STXBP5L: variants seen among roughly 807,000 people sequenced by gnomAD.
STXBP5L encodes the protein syntaxin-binding protein 5-like.
In STXBP5L, 65 loss-of-function variants were observed where a neutral mutation model predicts 144.5. The ratio of observed to expected loss-of-function variants is 0.45; its 90% confidence interval spans 0.37 to 0.55. STXBP5L has a LOEUF of 0.55. Ranked by LOEUF, STXBP5L falls within the 20% of genes least tolerant of loss-of-function variation. The pLI is 0.00. For synonymous variants in STXBP5L, 505 were observed against 469.6 expected (o/e 1.08, Z -0.97); for missense variants, 1,298 against 1,405.5 (o/e 0.92, Z 1.22).
At chr3:120,978,240 G>C (rs145968941) in intron 3 of STXBP5L, among the ~76,000 whole-genome samples, 2 of 152,028 alleles carry the variant, frequency 1.3e-5, no homozygotes, top group South Asian at 2.1e-4. Context: ...GGCTTTGTTC[G>C]TTTCTTTTTA....
At chr3:121,001,253 TC>T (rs1943752074) in intron 3 of STXBP5L, among the ~76,000 whole-genome samples, 2 of 152,198 alleles carry the variant, frequency 1.3e-5, no homozygotes. Flanking sequence ...GGCTGGGTCT[TC>T]CAGTAAAAGA....
chr3:120,976,881 T>C (rs9845806), intron 3 of STXBP5L, among the ~76,000 whole-genome samples: 121,048 of 151,598 alleles, frequency 0.8, 48,809 homozygotes, highest in Admixed American at 0.84. Flanking sequence ...ACCCTGAGTT[T>C]TAGTTTGATT....
At chr3:121,369,500 AG>A (rs1348481257) in intron 20 of STXBP5L, among the ~76,000 whole-genome samples, 1 of 151,808 alleles carries the variant, frequency 6.6e-6, no homozygotes, top group African/African-American at 2.4e-5. Context: ...CATTTCTTAA[AG>A]GTCTCTTTCT....
intron 2 of STXBP5L, among the ~76,000 whole-genome samples, chr3:120,928,550 C>T (rs1471624845): frequency 2.0e-5 from 3 of 152,052 alleles, no homozygotes; most frequent in Non-Finnish European, 4.4e-5. Flanking sequence ...TATGAGCCAC[C>T]GCACCTGGCC....
chr3:121,238,139 T>G (rs979198870), intron 12 of STXBP5L, among the ~76,000 whole-genome samples: 1 of 152,234 alleles, frequency 6.6e-6, no homozygotes, highest in South Asian at 2.1e-4. Flanking sequence ...TCTGTCTTAG[T>G]CTGTTTTGTG....
At chr3:121,328,479 T>C (rs1040905664) in intron 20 of STXBP5L, among the ~76,000 whole-genome samples, 1 of 152,218 alleles carries the variant, frequency 6.6e-6, no homozygotes, top group Non-Finnish European at 1.5e-5. Flanking sequence ...CTGGGCCTGG[T>C]GGCTCACGCT....
intron 18 of STXBP5L, among the ~76,000 whole-genome samples, chr3:121,259,461 A>C (rs1040450816): frequency 4.6e-5 from 7 of 151,726 alleles, no homozygotes; most frequent in South Asian, 4.2e-4. Flanking sequence ...TTTATATTTC[A>C]TTTTGGATAC....
rs369384783 is a variant in STXBP5L at position 121,190,643 on chromosome 3, C to G, written c.878-15280C>G. 4.0e-3 allele frequency among the ~76,000 whole-genome samples: 604 copies of G among 151,554 alleles called. 1 individual carries two copies. Among genetic ancestry groups the G allele is most frequent in the African/African-American group, 0.013 (556 of 41,280 alleles). On this transcript the variant is annotated intron_variant, in intron 9 of 26. Coordinates refer to ENST00000471454, the MANE Select transcript of STXBP5L (RefSeq NM_001308330.2). ...CAGACGGGGCAGCCAGGCAGAGGCA[C>G]CCCCCACCTCCCAGATGGGGTGGCT...
At chr3:121,256,738 G>T (rs1379997157) in intron 16 of STXBP5L, among the ~76,000 whole-genome samples, 3 of 151,712 alleles carry the variant, frequency 2.0e-5, no homozygotes, top group Non-Finnish European at 4.4e-5. Flanking sequence ...ACACGTTTGT[G>T]TGTGTATATG....
intron 4 of STXBP5L, 128 bp from the exon 5 acceptor site, chr3:121,045,307 C>T: frequency 1.2e-6 from 1 of 801,950 alleles, no homozygotes; most frequent in East Asian, 2.7e-5. Flanking sequence ...ACCTATCCTT[C>T]CTTATATTTC....
chr3:121,001,017 G>A (rs759135597), intron 3 of STXBP5L, among the ~76,000 whole-genome samples: 4 of 152,196 alleles, frequency 2.6e-5, no homozygotes, highest in Non-Finnish European at 4.4e-5. Flanking sequence ...AAGGGGGTAA[G>A]TGTTTCTGGT....
chr3:121,237,485 C>T (rs555262529), intron 12 of STXBP5L, among the ~76,000 whole-genome samples: 1 of 152,184 alleles, frequency 6.6e-6, no homozygotes. Context: ...TCAAAGATTT[C>T]TGAAATGCCT....
In STXBP5L at chr3:120,961,207, TC is replaced by T. The variant is rs201318896; in HGVS notation, c.287+6175del. On this transcript the variant is annotated intron_variant, in intron 3 of 26. Coordinates refer to ENST00000471454, the MANE Select transcript of STXBP5L (RefSeq NM_001308330.2). ...TTTTGATTTTATTTAGTTTTTTTTTTCCCCCGTGATACATCTCTTTGTTCAC... is the reference window on the plus strand; with the variant it reads ...TTTTGATTTTATTTAGTTTTTTTTTTCCCCGTGATACATCTCTTTGTTCAC... 4.6e-3 allele frequency among the ~76,000 whole-genome samples: 692 copies of T among 151,130 alleles called. 8 individuals are homozygous for T. Among genetic ancestry groups the T allele is most frequent in the African/African-American group, 0.016 (647 of 41,264 alleles).
At chr3:121,071,370 G>T (rs537524884) in intron 5 of STXBP5L, among the ~76,000 whole-genome samples, 1 of 152,352 alleles carries the variant, frequency 6.6e-6, no homozygotes, top group Non-Finnish European at 1.5e-5. Flanking sequence ...TGTGACTAGA[G>T]CAGGGCTCAG....
At chr3:120,993,517 C>T (rs192409241) in intron 3 of STXBP5L, among the ~76,000 whole-genome samples, 286 of 152,062 alleles carry the variant, frequency 1.9e-3, no homozygotes, top group Non-Finnish European at 3.1e-3. Flanking sequence ...TTTCATTGTT[C>T]TACATAAGGA....
intron 4 of STXBP5L, among the ~76,000 whole-genome samples, chr3:121,042,908 G>A (rs1333706733): frequency 6.6e-6 from 1 of 151,582 alleles, no homozygotes; most frequent in Non-Finnish European, 1.5e-5. Flanking sequence ...TTATTATCTA[G>A]AATGTCAGGC....
chr3:120,948,006 A>G (rs1433880778), intron 2 of STXBP5L, among the ~76,000 whole-genome samples: 1 of 151,806 alleles, frequency 6.6e-6, no homozygotes, highest in African/African-American at 2.4e-5. Context: ...TCTGTATTTC[A>G]TATATTGAGG....
At chr3:121,215,779 T>C (rs569690996) in intron 10 of STXBP5L, among the ~76,000 whole-genome samples, 2 of 152,354 alleles carry the variant, frequency 1.3e-5, no homozygotes, top group Admixed American at 1.3e-4. Context: ...TTCTCCTGGA[T>C]AATATCCTGA....
At chr3:121,350,342 G>A (rs1055281317) in intron 20 of STXBP5L, among the ~76,000 whole-genome samples, 1 of 152,114 alleles carries the variant, frequency 6.6e-6, no homozygotes, top group African/African-American at 2.4e-5. Flanking sequence ...TTAGTATGAT[G>A]GGCTTCCCTT....
Sources: gnomAD v4.1 joint callset for allele counts (sites outside exome capture counted in the v4.1 genomes callset) on GRCh38, gnomAD v4.1.1 for gene constraint, MANE v1.5 for transcripts, NCBI Gene and HGNC (gene_info 2026-07-23, HGNC 2026-07-21) for gene names.